NKAIN2: variants seen among roughly 807,000 people sequenced by gnomAD.
NKAIN2 encodes the protein sodium/potassium transporting ATPase interacting 2, also known as sodium/potassium-transporting ATPase subunit beta-1-interacting protein 2.
A neutral mutation model predicts 32.6 loss-of-function variants in NKAIN2; 14 were observed. The ratio of observed to expected loss-of-function variants is 0.43; its 90% CI spans 0.28 to 0.67. The LOEUF (loss-of-function observed/expected upper bound fraction) is 0.67. Ranked by LOEUF, NKAIN2 falls within the 30% of genes least tolerant of loss-of-function variation. The pLI is 0.17. For synonymous variants in NKAIN2, 80 were observed against 87.2 expected, an observed-to-expected ratio of 0.92 and a Z score of 0.46; for missense variants, 198 against 258.3, an observed-to-expected ratio of 0.77 and a Z score of 1.60.
At chr6:124,344,859 C>A (rs1798324919) in intron 2 of NKAIN2, among the ~76,000 whole-genome samples, 1 of 152,134 alleles carries the variant, frequency 6.6e-6, no homozygotes, top group Non-Finnish European at 1.5e-5. Context: ...GCCAGAACTT[C>A]CAACACTATG....
At chr6:124,417,411 C>A (rs1039827044) in intron 3 of NKAIN2, among the ~76,000 whole-genome samples, 1 of 152,096 alleles carries the variant, frequency 6.6e-6, no homozygotes, top group Non-Finnish European at 1.5e-5. Context: ...TAGAAATTAA[C>A]CCCTCTGAAC....
chr6:124,720,809 C>T (rs1775977951), intron 4 of NKAIN2, among the ~76,000 whole-genome samples: 1 of 152,136 alleles, frequency 6.6e-6, no homozygotes, highest in African/African-American at 2.4e-5. Context: ...GGAGAATCTA[C>T]AGGATTCAGT....
intron 1 of NKAIN2, among the ~76,000 whole-genome samples, chr6:123,813,826 A>T (rs1031598634): frequency 8.6e-5 from 13 of 151,676 alleles, no homozygotes; most frequent in African/African-American, 3.1e-4. Flanking sequence ...ATTTGATGAT[A>T]CATAGGTGGT....
chr6:123,931,822 T>C lies in NKAIN2; in HGVS notation c.54+127568T>C, dbSNP rs77797796. Reference sequence around the variant, plus strand: ...CCTACTCACCTCTCTTCTATATTACTTCACTCTGCCCAACCAATGCACATC... The same window carrying C: ...CCTACTCACCTCTCTTCTATATTACCTCACTCTGCCCAACCAATGCACATC... On this transcript the variant is annotated intron_variant, in intron 1 of 6. Coordinates refer to ENST00000368417, the MANE Select transcript of NKAIN2 (RefSeq NM_001040214.3). 6.5e-3 allele frequency among the ~76,000 whole-genome samples: 988 copies of C among 152,258 alleles called. 4 individuals carry two copies. Among genetic ancestry groups the C allele is most frequent in the Non-Finnish European group, 0.011 (720 of 68,018 alleles).
At chr6:124,802,508 AC>A (rs1429483765) in intron 5 of NKAIN2, among the ~76,000 whole-genome samples, 1 of 152,224 alleles carries the variant, frequency 6.6e-6, no homozygotes, top group Non-Finnish European at 1.5e-5. Flanking sequence ...TAGTTATTTC[AC>A]CATAATCTTC....
chr6:124,113,982 G>A (rs917582459), intron 1 of NKAIN2, among the ~76,000 whole-genome samples: 8 of 152,152 alleles, frequency 5.3e-5, no homozygotes, highest in African/African-American at 1.9e-4. Flanking sequence ...TAGTTTTGTA[G>A]GCATATGTTT....
chr6:123,946,770 A>T (rs1027586030), intron 1 of NKAIN2, among the ~76,000 whole-genome samples: 6 of 152,060 alleles, frequency 3.9e-5, no homozygotes, highest in African/African-American at 1.2e-4. Flanking sequence ...TATTTTGGAA[A>T]TTGTAAAAGT....
intron 1 of NKAIN2, among the ~76,000 whole-genome samples, chr6:124,230,966 A>C (rs1792418721): frequency 6.6e-6 from 1 of 152,192 alleles, no homozygotes; most frequent in Non-Finnish European, 1.5e-5. Context: ...ATCCACTGGC[A>C]GCTTGCGCTC....
chr6:124,487,073 T>C (rs1449310922), intron 3 of NKAIN2, among the ~76,000 whole-genome samples: 3 of 152,252 alleles, frequency 2.0e-5, no homozygotes, highest in Middle Eastern at 3.4e-3. Context: ...TGTTAAATTA[T>C]TTGATAAATT....
intron 1 of NKAIN2, among the ~76,000 whole-genome samples, chr6:124,038,448 T>C (rs1194038821): frequency 1.3e-5 from 2 of 151,958 alleles, no homozygotes; most frequent in Non-Finnish European, 2.9e-5. Context: ...CTCCTGACCT[T>C]GTCATCCACC....
chr6:124,131,438 G>GA (rs1274926559), intron 1 of NKAIN2, among the ~76,000 whole-genome samples: 36 of 152,174 alleles, frequency 2.4e-4, no homozygotes, highest in Admixed American at 2.6e-4. Flanking sequence ...TTCACACTGT[G>GA]AACTTTGTTC....
rs557926945 is a variant in NKAIN2 at position 124,099,219 on chromosome 6, A to G, written c.55-183786A>G. Among the ~76,000 whole-genome samples the G allele has an allele frequency of 5.3e-5, 8 of 152,336 alleles. 1 individual carries two copies. The South Asian group carries it at 1.7e-3, about 32-fold the overall frequency. The stretch of plus-strand genomic sequence containing the variant: ...ATTGGTTGATTATCTAATATATGGC[A>G]TGCCCTTTAGAGATGTTATCCCATT... On this transcript the variant is annotated intron_variant, in intron 1 of 6. Transcript: ENST00000368417.
chr6:124,135,238 A>T (rs1786696495), intron 1 of NKAIN2, among the ~76,000 whole-genome samples: 1 of 152,104 alleles, frequency 6.6e-6, no homozygotes, highest in African/African-American at 2.4e-5. Flanking sequence ...CTGTTTAGGC[A>T]ACAACTAGCA....
chr6:124,095,260 A>T (rs1202174078), intron 1 of NKAIN2, among the ~76,000 whole-genome samples: 3 of 152,102 alleles, frequency 2.0e-5, no homozygotes, highest in Non-Finnish European at 4.4e-5. Flanking sequence ...TATTCAATTA[A>T]TTTAATCTAA....
At chr6:124,562,940 T>G (rs981405562) in intron 3 of NKAIN2, among the ~76,000 whole-genome samples, 1 of 149,046 alleles carries the variant, frequency 6.7e-6, no homozygotes, top group African/African-American at 2.5e-5. Context: ...AGTCTCACAC[T>G]GCCACCCTGG....
intron 6 of NKAIN2, among the ~76,000 whole-genome samples, chr6:124,820,854 G>T (rs561102500): frequency 6.6e-6 from 1 of 152,090 alleles, no homozygotes; most frequent in Admixed American, 6.6e-5. Flanking sequence ...ATCTGAGGTG[G>T]AACAGTTTCA....
At chr6:124,324,317 C>T (rs1483165781) in intron 2 of NKAIN2, among the ~76,000 whole-genome samples, 2 of 152,020 alleles carry the variant, frequency 1.3e-5, no homozygotes, top group Non-Finnish European at 2.9e-5. Flanking sequence ...CATACAAATT[C>T]TATACATTTT....
intron 1 of NKAIN2, among the ~76,000 whole-genome samples, chr6:124,028,011 G>A (rs772927959): frequency 2.2e-4 from 33 of 152,024 alleles, no homozygotes; most frequent in Non-Finnish European, 3.7e-4. Flanking sequence ...CTATCTTTGG[G>A]TCTAACACTA....
At chr6:124,432,795 T>G (rs1287064446) in intron 3 of NKAIN2, among the ~76,000 whole-genome samples, 1 of 152,034 alleles carries the variant, frequency 6.6e-6, no homozygotes, top group African/African-American at 2.4e-5. Flanking sequence ...CAGATTTGGC[T>G]TCACAGTCAC....
Sources: gnomAD v4.1 joint callset for allele counts (sites outside exome capture counted in the v4.1 genomes callset) on GRCh38, gnomAD v4.1.1 for gene constraint, MANE v1.5 for transcripts, NCBI Gene and HGNC (gene_info 2026-07-23, HGNC 2026-07-21) for gene names.